Variants in NPR3 observed in about 807,000 individuals in gnomAD.
NPR3 encodes atrial natriuretic peptide receptor 3.
Under a neutral mutation model 54.5 loss-of-function variants are expected in NPR3, and 34 were observed. The ratio of observed to expected loss-of-function variants is 0.62; its 90% confidence interval spans 0.47 to 0.83. The LOEUF (loss-of-function observed/expected upper bound fraction) is 0.83, where lower values mean the gene tolerates loss of function less well. Among genes scored for constraint, NPR3 ranks in the 40% least tolerant of loss-of-function variants. The pLI, the probability that NPR3 is intolerant of heterozygous loss-of-function variation, is 0.00. For synonymous variants in NPR3, 289 were observed against 297.1 expected, an observed-to-expected ratio of 0.97 and a Z score of 0.28; for missense variants, 674 against 720.8, an observed-to-expected ratio of 0.94 and a Z score of 0.74.
Position 32,788,615 on chromosome 5 carries a change from A to T in NPR3, c.*2270A>T, listed in dbSNP as rs1241832800. The stretch of plus-strand genomic sequence containing the variant: ...GAGTATAAACATTTCTAACCTTTTT[A>T]AAACTTCTATAGCAGCCCATTAACA... On this transcript the variant is annotated 3_prime_UTR_variant, in exon 8 of 8. Coordinates refer to ENST00000265074, the MANE Select transcript of NPR3 (RefSeq NM_001204375.2). The T allele has an allele frequency of 1.3e-5, 2 of 152,216 alleles. No individual in the cohort carries two copies. Among genetic ancestry groups the T allele is most frequent in the Non-Finnish European group, 2.9e-5 (2 of 68,046 alleles). 9.4% of individuals were successfully genotyped at this position (152,216 alleles called of 1,614,324 possible). A position where few individuals can be genotyped will look rare whatever the true frequency, so the allele number is the denominator to read the frequency against.
intron 3 of NPR3, among the ~76,000 whole-genome samples, chr5:32,756,721 G>GT (rs778849940): frequency 4.3e-4 from 65 of 152,152 alleles, no homozygotes; most frequent in Non-Finnish European, 8.8e-4. Context: ...TTCTTATAGG[G>GT]TTTTTATGGT....
chr5:32,754,990 A>G (rs898433798), intron 3 of NPR3, among the ~76,000 whole-genome samples: 1 of 152,154 alleles, frequency 6.6e-6, no homozygotes. Context: ...CCTCCTGAGT[A>G]GCTGGGACTA....
intron 3 of NPR3, among the ~76,000 whole-genome samples, chr5:32,745,701 C>T (rs542440006): frequency 2.0e-5 from 3 of 152,342 alleles, no homozygotes; most frequent in East Asian, 3.9e-4. Context: ...CTGCACCCCA[C>T]CTGCCCAAAT....
intron 3 of NPR3, among the ~76,000 whole-genome samples, chr5:32,746,478 G>A (rs1740309052): frequency 6.6e-6 from 1 of 152,140 alleles, no homozygotes; most frequent in Non-Finnish European, 1.5e-5. Context: ...CGACAACATC[G>A]TGTATGTCAG....
At chr5:32,712,595 G>T in intron 1 of NPR3, 50 bp downstream of exon 1, 3 of 1,484,598 alleles carry the variant, frequency 2.0e-6, no homozygotes, top group Non-Finnish European at 2.7e-6. Context: ...ACCGCTCTCC[G>T]CGGCTCTCCC....
At chr5:32,764,564 G>A (rs1741342991) in intron 3 of NPR3, among the ~76,000 whole-genome samples, 1 of 151,852 alleles carries the variant, frequency 6.6e-6, no homozygotes, top group South Asian at 2.1e-4. Context: ...GAGGCGGGTG[G>A]ATCACCTGAG....
At position 32,724,510 on chromosome 5, in the gene NPR3, A is replaced by G. The variant is rs188910454; in HGVS notation, c.770-188A>G. On this transcript the variant is annotated intron_variant, in intron 1 of 7. Coordinates refer to ENST00000265074, the MANE Select transcript of NPR3 (RefSeq NM_001204375.2). Reference sequence around the variant, plus strand: ...CCCATGGTTGGTGATGTTGGCTTCCATCTCTTGGTTATGGAGGCGTCTGCT... The same window carrying G: ...CCCATGGTTGGTGATGTTGGCTTCCGTCTCTTGGTTATGGAGGCGTCTGCT... 7.2e-5 allele frequency among the ~76,000 whole-genome samples: 11 copies of G among 152,230 alleles called. No homozygotes were observed. In the East Asian group the frequency reaches 1.5e-3, roughly 21 times the overall value.
chr5:32,743,986 C>CT (rs1561103448), intron 3 of NPR3, among the ~76,000 whole-genome samples: 4 of 105,134 alleles, frequency 3.8e-5, no homozygotes, highest in Admixed American at 9.3e-5. Flanking sequence ...CATTCTGATG[C>CT]ATTTTTTTTT....
At chr5:32,702,099 T>C (rs971333019) in intron 1 of NPR3, among the ~76,000 whole-genome samples, 1 of 152,142 alleles carries the variant, frequency 6.6e-6, no homozygotes, top group Non-Finnish European at 1.5e-5. Context: ...GCCAGGCTTG[T>C]GTTCTTCTCT....
Position 32,697,194 on chromosome 5 carries a change from T to C in NPR3, c.100+8008T>C, listed in dbSNP as rs116562619. On this transcript the variant is annotated intron_variant, in intron 1 of 5. Coordinates refer to the NPR3 transcript ENST00000509104. ...GAGGGCTTTTTAAATTGTGAAGGGA[T>C]GTTGAATTATATTCAATGCTTTTTC... Among the ~76,000 whole-genome samples, 306 of 152,278 alleles carry C rather than the reference T, an allele frequency of 2.0e-3. 1 individual carries two copies. Among genetic ancestry groups the C allele is most frequent in the African/African-American group, 6.8e-3 (283 of 41,572 alleles).
chr5:32,766,732 G>A (rs1021132775), intron 3 of NPR3, among the ~76,000 whole-genome samples: 1 of 152,122 alleles, frequency 6.6e-6, no homozygotes, highest in Non-Finnish European at 1.5e-5. Flanking sequence ...GTGCTAGTTG[G>A]AAAACATTTA....
upstream of NPR3, among the ~76,000 whole-genome samples, chr5:32,704,743 A>G (rs1375575708): frequency 6.6e-6 from 1 of 152,214 alleles, no homozygotes; most frequent in Non-Finnish European, 1.5e-5. Context: ...AGTAAGACCC[A>G]ATGGCTCTGC....
intron 3 of NPR3, among the ~76,000 whole-genome samples, chr5:32,745,273 T>C (rs903280364): frequency 6.6e-6 from 1 of 152,192 alleles, no homozygotes; most frequent in African/African-American, 2.4e-5. Flanking sequence ...AAGTGAGAAG[T>C]AAAGCCCTAC....
In NPR3 at chr5:32,711,901, G is replaced by T. The variant is rs1448869020; in HGVS notation, c.125G>T (p.Arg42Leu). 4.0e-6 allele frequency: 6 copies of T among 1,485,398 alleles called. No homozygotes were observed. The highest frequency in any genetic ancestry group is 5.0e-5 in the East Asian group (2 of 40,180). 92.0% of individuals were successfully genotyped at this position (1,485,398 alleles called of 1,614,324 possible). Reference protein sequence around the residue: ...GGGGAGIGGGRQEREALPPQK... With the variant: ...GGGGAGIGGGLQEREALPPQK... The stretch of plus-strand genomic sequence containing the variant: ...GGTGGCGCGGGCATAGGCGGCGGAC[G>T]CCAGGAGAGAGAGGCGCTGCCGCCA... Residue 42 changes from arginine to leucine, a missense_variant, in exon 1 of 8, where the codon CGC becomes CTC. Transcript: ENST00000265074.
chr5:32,692,592 T>C (rs1165669775), intron 1 of NPR3, among the ~76,000 whole-genome samples: 2 of 152,348 alleles, frequency 1.3e-5, no homozygotes, highest in African/African-American at 4.8e-5. Flanking sequence ...TTCCTGATGT[T>C]TTTCTTATGG....
At chr5:32,751,683 G>A (rs534315685) in intron 3 of NPR3, among the ~76,000 whole-genome samples, 20 of 152,264 alleles carry the variant, frequency 1.3e-4, no homozygotes, top group African/African-American at 4.6e-4. Context: ...GGTGGGATGT[G>A]TGTTTGGGCA....
intron 1 of NPR3, among the ~76,000 whole-genome samples, chr5:32,724,216 A>G (rs901907462): frequency 3.9e-5 from 6 of 152,210 alleles, no homozygotes; most frequent in African/African-American, 1.2e-4. Context: ...GTATATATGT[A>G]TGTATTTATT....
chr5:32,771,426 A>G (rs1020227675), intron 3 of NPR3, among the ~76,000 whole-genome samples: 1 of 152,176 alleles, frequency 6.6e-6, no homozygotes, highest in African/African-American at 2.4e-5. Flanking sequence ...ATTTCCTTCT[A>G]CCATTAAACC....
At position 32,712,521 on chromosome 5, in the gene NPR3, C is replaced by A. The variant is rs1156299137; in HGVS notation, c.745C>A (p.Arg249Ser). 1 of 1,536,276 alleles carries A rather than the reference C, an allele frequency of 6.5e-7. No homozygotes were observed. The highest frequency in any genetic ancestry group is 1.4e-5 in the African/African-American group (1 of 73,590). Reference sequence around the variant, plus strand: ...AGACTTGGATCTGGAAGACATCGTGCGCAATATCCAGGCCAGTGAGAGAGG... The same window carrying A: ...AGACTTGGATCTGGAAGACATCGTGAGCAATATCCAGGCCAGTGAGAGAGG... ...TKDLDLEDIV[R>S]NIQASERVVI... The change falls in exon 1 of 8, where the codon CGC (arginine) becomes AGC (serine). Residue 249 changes from arginine to serine, a missense_variant. Transcript: ENST00000265074.
Sources: allele counts gnomAD v4.1 joint callset (sites outside exome capture counted in the v4.1 genomes callset), GRCh38; gene constraint gnomAD v4.1.1; transcripts MANE v1.5; gene names NCBI Gene and HGNC (gene_info 2026-07-23, HGNC 2026-07-21).